TRPS1: variants seen among roughly 807,000 people sequenced by gnomAD.
The protein encoded by TRPS1 is transcriptional repressor GATA binding 1, also known as zinc finger transcription factor Trps1.
Under a neutral mutation model 101.2 loss-of-function variants are expected in TRPS1, and 6 were observed. The ratio of observed to expected loss-of-function variants is 0.06; its 90% CI spans 0.03 to 0.12. The LOEUF (loss-of-function observed/expected upper bound fraction) is 0.12, where lower values mean the gene tolerates loss of function less well. TRPS1 is among the 10% of genes least tolerant of loss of function. The pLI, the probability that TRPS1 is intolerant of heterozygous loss-of-function variation, is 1.00. For synonymous variants in TRPS1, 578 were observed against 589.8 expected, an observed-to-expected ratio of 0.98 and a Z score of 0.29; for missense variants, 1,363 against 1,567.0, an observed-to-expected ratio of 0.87 and a Z score of 2.20.
At chr8:115,567,288 T>G (rs1213107424) in intron 5 of TRPS1, among the ~76,000 whole-genome samples, 2 of 152,140 alleles carry the variant, frequency 1.3e-5, no homozygotes, top group African/African-American at 4.8e-5. Context: ...TACAGACATA[T>G]TTTTTCCACA....
intron 5 of TRPS1, among the ~76,000 whole-genome samples, chr8:115,546,581 G>GACACAC (rs71287285): frequency 0.027 from 3,969 of 147,688 alleles, 88 homozygotes; most frequent in African/African-American, 0.055. Context: ...TGTAAAATGT[G>GACACAC]ACACACACAC....
chr8:115,626,608 T>C (rs367733108), intron 1 of TRPS1, among the ~76,000 whole-genome samples: 1 of 151,820 alleles, frequency 6.6e-6, no homozygotes, highest in Non-Finnish European at 1.5e-5. Context: ...TTAAATCTTG[T>C]TGAGTTTTAA....
intron 5 of TRPS1, among the ~76,000 whole-genome samples, chr8:115,425,575 A>AGC (rs1344238243): frequency 6.6e-6 from 1 of 152,192 alleles, no homozygotes; most frequent in Non-Finnish European, 1.5e-5. Flanking sequence ...CCACATAGGG[A>AGC]GCTACCCGAT....
At chr8:115,641,320 T>C (rs989142495) in intron 1 of TRPS1, among the ~76,000 whole-genome samples, 1 of 152,226 alleles carries the variant, frequency 6.6e-6, no homozygotes, top group African/African-American at 2.4e-5. Context: ...GCATTGTTTC[T>C]TGGCATTGCT....
At chr8:115,543,296 T>C (rs947087998) in intron 5 of TRPS1, among the ~76,000 whole-genome samples, 14 of 152,226 alleles carry the variant, frequency 9.2e-5, no homozygotes, top group Admixed American at 3.9e-4. Context: ...ATTGTGGCTA[T>C]GTCAGCTCTG....
intron 1 of TRPS1, among the ~76,000 whole-genome samples, chr8:115,643,054 T>C (rs535833487): frequency 7.8e-4 from 119 of 152,206 alleles, no homozygotes; most frequent in Middle Eastern, 3.4e-3. Context: ...AAGTGGGCAA[T>C]AGTATTATGT....
Position 115,619,568 on chromosome 8 carries a change from G to C in TRPS1, c.530C>G (p.Thr177Arg), listed in dbSNP as rs774310094. Reference sequence around the variant, plus strand: ...GGCTTGACCACTCTGTGCTTGCCCTGTTTCCTCTGTAGCCTTTGGTGACAT... The same window carrying C: ...GGCTTGACCACTCTGTGCTTGCCCTCTTTCCTCTGTAGCCTTTGGTGACAT... Reference protein sequence around the residue: ...QKMSPKATEETGQAQSGQANC... With the variant: ...QKMSPKATEERGQAQSGQANC... Residue 177 changes from threonine (T) to arginine (R), a missense_variant, in exon 3 of 7, where the codon ACA (threonine) becomes AGA (arginine). Coordinates refer to ENST00000395715, the MANE Select transcript of TRPS1 (RefSeq NM_014112.5). 6.2e-7 allele frequency: 1 copy of C among 1,614,148 alleles called. No homozygotes were observed. Among genetic ancestry groups the C allele is most frequent in the South Asian group, 1.1e-5 (1 of 91,076 alleles).
At chr8:115,457,647 A>G (rs930452741) in intron 5 of TRPS1, among the ~76,000 whole-genome samples, 1 of 152,230 alleles carries the variant, frequency 6.6e-6, no homozygotes, top group African/African-American at 2.4e-5. Context: ...AAAATAATAA[A>G]TTAAAAAATA....
chr8:115,548,171 C>T (rs757265049), intron 5 of TRPS1, among the ~76,000 whole-genome samples: 5 of 152,000 alleles, frequency 3.3e-5, no homozygotes, highest in African/African-American at 1.2e-4. Context: ...GAGGTTGAGG[C>T]TGCAGTGAGC....
At position 115,655,907 on chromosome 8, in the gene TRPS1, C is replaced by T. The variant is rs142917021; in HGVS notation, c.-122+12638G>A. On this transcript the variant is annotated intron_variant, in intron 1 of 6. Transcript: ENST00000395715. Reference sequence around the variant, plus strand: ...TTACACAACACCGATGTGATTACATCGGACCAAACATTTTGGCAAAATGTT... The same window carrying T: ...TTACACAACACCGATGTGATTACATTGGACCAAACATTTTGGCAAAATGTT... Among the ~76,000 whole-genome samples, 1,369 of 152,184 alleles carry T rather than the reference C, an allele frequency of 9.0e-3. 13 individuals carry two copies. Among genetic ancestry groups the T allele is most frequent in the Non-Finnish European group, 0.011 (759 of 67,986 alleles).
chr8:115,587,162 C>T lies in TRPS1; in HGVS notation c.2539G>A (p.Glu847Lys). The T allele has an allele frequency of 6.2e-7, 1 of 1,614,180 alleles. No homozygotes were observed. Among genetic ancestry groups the T allele is most frequent in the Non-Finnish European group, 8.5e-7 (1 of 1,180,024 alleles). ...TKTLRDSPNV[E>K]AAHLARPIYG... The stretch of plus-strand genomic sequence containing the variant: ...ATAGGTCGCGCCAGATGGGCGGCCT[C>T]CACATTGGGACTATCCCTTAGAGTC... Residue 847 changes from glutamate (E) to lysine (K), a missense_variant, in exon 5 of 7, where the codon GAG becomes AAG. Physicochemically the swap from Glu to Lys is moderately conservative, Grantham distance 56. Around this residue, in one of 5 missense-constraint regions of TRPS1, gnomAD observed 1,020 missense variants for 1,073.0 expected, o/e 0.95. Transcript: ENST00000395715.
chr8:115,545,456 C>T (rs1023502335), intron 5 of TRPS1, among the ~76,000 whole-genome samples: 4 of 152,112 alleles, frequency 2.6e-5, no homozygotes, highest in Non-Finnish European at 5.9e-5. Context: ...ATTCATATCC[C>T]TTCTTCACTA....
intron 5 of TRPS1, among the ~76,000 whole-genome samples, chr8:115,523,448 T>C (rs557290732): frequency 1.1e-4 from 17 of 152,164 alleles, no homozygotes; most frequent in African/African-American, 2.9e-4. Flanking sequence ...AGCAATTCCA[T>C]TAAAACTATC....
chr8:115,664,009 A>C (rs1435640417), intron 1 of TRPS1, among the ~76,000 whole-genome samples: 1 of 152,092 alleles, frequency 6.6e-6, no homozygotes, highest in Non-Finnish European at 1.5e-5. Context: ...TAGCTCAAAA[A>C]GTGATCATAA....
intron 5 of TRPS1, among the ~76,000 whole-genome samples, chr8:115,451,371 T>C (rs1162848710): frequency 1.3e-5 from 2 of 152,144 alleles, no homozygotes; most frequent in East Asian, 3.9e-4. Flanking sequence ...TTGTGCTAGG[T>C]TCATCATCTT....
rs1453653976 is a variant in TRPS1, at chr8:115,587,467, G to A, written c.2234C>T (p.Ala745Val). Reference sequence around the variant, plus strand: ...GGGCTCCTCTTTGATGGTGGATATGGCATGACCGTCCTCTTCGCCGTTGGC... The same window carrying A: ...GGGCTCCTCTTTGATGGTGGATATGACATGACCGTCCTCTTCGCCGTTGGC... The part of the protein sequence containing the change: ...TTANGEEDGH[A>V]ISTIKEEPKI... Residue 745 changes from alanine (A) to valine (V), a missense_variant, in exon 5 of 7, where the codon GCC becomes GTC. Physicochemically the swap from Ala to Val is moderately conservative, Grantham distance 64. This residue lies in a region of TRPS1 where 1,020 missense variants were observed against 1,073.0 expected (regional missense o/e 0.95). Coordinates refer to ENST00000395715, the MANE Select transcript of TRPS1 (RefSeq NM_014112.5). 1 of 1,614,148 alleles carries A rather than the reference G, an allele frequency of 6.2e-7. No homozygotes were observed. Among genetic ancestry groups the A allele is most frequent in the Non-Finnish European group, 8.5e-7 (1 of 1,180,024 alleles).
At chr8:115,593,951 A>G (rs1817732525) in intron 4 of TRPS1, among the ~76,000 whole-genome samples, 1 of 152,140 alleles carries the variant, frequency 6.6e-6, no homozygotes, top group African/African-American at 2.4e-5. Context: ...CCTAAGGTCG[A>G]GACCAAAGCT....
At chr8:115,518,117 C>CT (rs377033239) in intron 5 of TRPS1, among the ~76,000 whole-genome samples, 151,681 of 151,682 alleles carry the variant, frequency 1, 75,840 homozygotes, top group Middle Eastern at 1. Context: ...GAGCAACAGG[C>CT]TCAATGCACA....
chr8:115,590,751 T>C (rs138519285), intron 4 of TRPS1, among the ~76,000 whole-genome samples: 274 of 152,336 alleles, frequency 1.8e-3, no homozygotes, highest in Middle Eastern at 0.014. Context: ...TTTCCTCATC[T>C]GCAAAATGAA....
Sources: gnomAD v4.1 joint callset for allele counts (sites outside exome capture counted in the v4.1 genomes callset) on GRCh38, gnomAD v4.1.1 for gene constraint, gnomAD v4.1.1 regional missense constraint, MANE v1.5 for transcripts, NCBI Gene and HGNC (gene_info 2026-07-23, HGNC 2026-07-21) for gene names.